KCNH4: variants seen among roughly 807,000 people sequenced by gnomAD.
KCNH4 encodes voltage-gated delayed rectifier potassium channel KCNH4.
In KCNH4, 33 loss-of-function variants were observed where a neutral mutation model predicts 90.7. The observed-to-expected ratio is 0.36, with a 90% CI of 0.28 to 0.49. KCNH4 has a LOEUF of 0.49. KCNH4 is among the 20% of genes least tolerant of loss of function. KCNH4 has a pLI of 0.98. For synonymous variants in KCNH4, 551 were observed against 581.7 expected, an observed-to-expected ratio of 0.95 and a Z score of 0.76; for missense variants, 1,044 against 1,387.1, an observed-to-expected ratio of 0.75 and a Z score of 3.93.
chr17:42,158,289 G>A (rs2079721923), intron 16 of KCNH4, among the ~76,000 whole-genome samples: 1 of 151,298 alleles, frequency 6.6e-6, no homozygotes, highest in South Asian at 2.1e-4. Flanking sequence ...CCAGCACTTT[G>A]GGAGGCCGAG....
Position 42,163,092 on chromosome 17 carries a change from C to T in KCNH4, c.2584+136G>A, listed in dbSNP as rs1171606356. 7.4e-6 allele frequency: 5 copies of T among 674,476 alleles called. No individual in the cohort carries two copies. Among genetic ancestry groups the T allele is most frequent in the South Asian group, 5.0e-5 (3 of 60,094 alleles). 41.8% of individuals were successfully genotyped at this position (674,476 alleles called of 1,614,324 possible). On this transcript the variant is annotated intron_variant, in intron 14 of 16. Coordinates refer to ENST00000264661, the MANE Select transcript of KCNH4 (RefSeq NM_012285.3). The surrounding 1 kb of genome is among the most constrained non-coding windows in gnomAD (Gnocchi z 5.4). ...CTCCCTGCTAGACTTACTCCAAGAG[C>T]GTGGGCCAGGTCTGTTTTATCTGTG...
chr17:42,162,418 A>G (rs903359985), intron 14 of KCNH4, 97 bp from the exon 15 acceptor site: 2 of 1,012,068 alleles, frequency 2.0e-6, no homozygotes, highest in Admixed American at 4.1e-5. Flanking sequence ...GGCGGAGAGC[A>G]GGGGGAGACA....
chr17:42,170,397 A>C, intron 7 of KCNH4, 96 bp from the exon 8 acceptor site: 1 of 1,049,804 alleles, frequency 9.5e-7, no homozygotes, highest in Non-Finnish European at 1.3e-6. Context: ...GCAAGTATTT[A>C]TACACAGGTT....
At chr17:42,161,547 GGTCCCCCAGGCCTGAAGGCCTCTCA>G (rs2079748876) in intron 15 of KCNH4, among the ~76,000 whole-genome samples, 1 of 152,256 alleles carries the variant, frequency 6.6e-6, no homozygotes, top group South Asian at 2.1e-4. Flanking sequence ...TCTGGATCCA[GGTCCCCCAGGCCTGAAGGCCTCTCA>G]GCCTCCCTGT....
Position 42,162,266 on chromosome 17 carries a change from A to G in KCNH4, c.2640T>C (p.Val880=). 1 of 1,613,872 alleles carries G rather than the reference A, an allele frequency of 6.2e-7. No homozygotes were observed. Among genetic ancestry groups the G allele is most frequent in the Non-Finnish European group, 8.5e-7 (1 of 1,179,896 alleles). ...ASEAEEVKEK[V]CRLNQEISRL... ...AACCCACCTCCTGGTTCAGCCGGCA[A>G]ACCTTTTCCTTCACCTCCTCAGCCT... The change falls in exon 15 of 17, where the codon GTT becomes GTC. Residue 880 remains valine (V), a synonymous_variant. Transcript: ENST00000264661.
At chr17:42,178,687 CT>C in intron 2 of KCNH4, 105 bp downstream of exon 2, 1 of 1,188,744 alleles carries the variant, frequency 8.4e-7, no homozygotes, top group Non-Finnish European at 1.2e-6. Context: ...TCACAGTCAG[CT>C]TTTGGCAGTG....
intron 6 of KCNH4, among the ~76,000 whole-genome samples, chr17:42,175,226 A>G (rs1168739843): frequency 6.6e-6 from 1 of 152,210 alleles, no homozygotes; most frequent in African/African-American, 2.4e-5. Flanking sequence ...CACAGTGGCC[A>G]TGCCCCACAC....
chr17:42,177,725 T>A (rs1340351616), intron 4 of KCNH4, among the ~76,000 whole-genome samples: 1 of 152,092 alleles, frequency 6.6e-6, no homozygotes, highest in Non-Finnish European at 1.5e-5. Flanking sequence ...TAGGAGGTGG[T>A]ACACAGGTCT....
intron 11 of KCNH4, among the ~76,000 whole-genome samples, chr17:42,164,373 A>G (rs772746089): frequency 3.9e-5 from 6 of 152,244 alleles, no homozygotes; most frequent in Non-Finnish European, 8.8e-5. Context: ...CCCAAGGTGT[A>G]ATGTACAGGC....
At position 42,160,132 on chromosome 17, in the gene KCNH4, G is replaced by A. The variant is rs763196073; in HGVS notation, c.2962C>T (p.Pro988Ser). Residue 988 changes from proline to serine, a missense_variant, in exon 16 of 17, where the codon CCT (proline) becomes TCT (serine). Pro to Ser is a moderately conservative substitution (Grantham distance 74). Around this residue, in one of 4 missense-constraint regions of KCNH4, gnomAD observed 441 missense variants for 512.3 expected, o/e 0.86. Transcript: ENST00000264661. The part of the protein sequence containing the change: ...ILPPYPSEPD[P>S]LGPSPVPEAS... ...TCTGGCACTGGAGAGGGTCCCAGAG[G>A]GTCAGGCTCTGAGGGGTAGGGGGGC... 6.2e-7 allele frequency: 1 copy of A among 1,607,902 alleles called. No homozygotes were observed. Among genetic ancestry groups the A allele is most frequent in the South Asian group, 1.1e-5 (1 of 90,046 alleles).
chr17:42,165,722 T>A (rs1360695788), intron 10 of KCNH4, 29 bp from the exon 11 acceptor site: 2 of 1,612,506 alleles, frequency 1.2e-6, no homozygotes, highest in Non-Finnish European at 1.7e-6. Flanking sequence ...GACAGTCAGC[T>A]GGGGCAGTGA....
intron 4 of KCNH4, 56 bp from the exon 5 acceptor site, chr17:42,176,353 G>C (rs2079861619): frequency 1.3e-6 from 2 of 1,536,002 alleles, no homozygotes; most frequent in Non-Finnish European, 1.8e-6. Context: ...AGCCAAGATG[G>C]GGGGTGGGAA....
rs770748876 is a variant in KCNH4, at chr17:42,163,693, C to G, written c.2390G>C (p.Gly797Ala). Residue 797 changes from glycine to alanine, a missense_variant, in exon 13 of 17, where the codon GGC becomes GCC. Around this residue, in one of 4 missense-constraint regions of KCNH4, gnomAD observed 441 missense variants for 512.3 expected, o/e 0.86. Coordinates refer to ENST00000264661, the MANE Select transcript of KCNH4 (RefSeq NM_012285.3). This position sits in a 1 kb window ranked among gnomAD's most constrained non-coding sequence, Gnocchi z 5.4. ...CCAGGCAGCAGAGCACCTGGGGGGG[C>G]CGTGAGGGGAGGCACTGTGGCCCTG... ...AGQGHSASPHGPPRCSAAWKP... is the reference protein window; with the variant it reads ...AGQGHSASPHAPPRCSAAWKP... The G allele has an allele frequency of 4.0e-6, 6 of 1,510,032 alleles. No homozygotes were observed. The Admixed American group carries it at 9.2e-5, about 23-fold the overall frequency. The allele number at this position is 1,510,032 out of a possible 1,614,324, so 93.5% of individuals were successfully genotyped here.
intron 2 of KCNH4, 129 bp downstream of exon 2, chr17:42,178,664 G>A: frequency 8.9e-7 from 1 of 1,121,198 alleles, no homozygotes; most frequent in Non-Finnish European, 1.3e-6. Flanking sequence ...AGAGAGGTCA[G>A]GGATACGCTC....
Position 42,164,139 on chromosome 17 carries a change from G to A in KCNH4, c.2115C>T (p.Arg705=), listed in dbSNP as rs1446209500. ...SGLSRFSRSP[R]LSQPRSESLG... Reference sequence around the variant, plus strand: ...AGGAAGTGGGTGTTACCTGGGAGAGGCGAGGGGATCGGGAAAAGCGGCTGA... The same window carrying A: ...AGGAAGTGGGTGTTACCTGGGAGAGACGAGGGGATCGGGAAAAGCGGCTGA... The change falls in exon 12 of 17, where the codon CGC becomes CGT. Residue 705 remains arginine, a synonymous_variant. Coordinates refer to ENST00000264661, the MANE Select transcript of KCNH4 (RefSeq NM_012285.3). The A allele has an allele frequency of 6.4e-7, 1 of 1,551,808 alleles. No individual in the cohort carries two copies. Among genetic ancestry groups the A allele is most frequent in the Non-Finnish European group, 8.7e-7 (1 of 1,147,026 alleles).
At chr17:42,160,515 T>G in intron 15 of KCNH4, 80 bp from the exon 16 acceptor site, 18 of 1,437,824 alleles carry the variant, frequency 1.3e-5, no homozygotes, top group Non-Finnish European at 1.6e-5. Flanking sequence ...TACAAAGCTC[T>G]TTCGCAGCCA....
intron 16 of KCNH4, among the ~76,000 whole-genome samples, chr17:42,159,484 C>G (rs1841989178): frequency 6.6e-6 from 1 of 152,146 alleles, no homozygotes; most frequent in African/African-American, 2.4e-5. Context: ...CCTAAGAAAT[C>G]ATGGGTTGCT....
chr17:42,163,017 T>A lies in KCNH4; in HGVS notation c.2584+211A>T, dbSNP rs1232679813. Among the ~76,000 whole-genome samples, 1 of 152,238 alleles carries A rather than the reference T, an allele frequency of 6.6e-6. No individual in the cohort carries two copies. The highest frequency in any genetic ancestry group is 1.5e-5 in the Non-Finnish European group (1 of 68,046). On this transcript the variant is annotated intron_variant, in intron 14 of 16. Transcript: ENST00000264661. The surrounding 1 kb of genome is among the most constrained non-coding windows in gnomAD (Gnocchi z 5.4). ...CTTCTACCACAGAGTCCTGTTCTTG[T>A]CTGTCATGGTATTTAGCATCTGGAA... is the stretch of plus-strand genomic sequence containing the variant.
chr17:42,164,680 T>A (rs1016914699), intron 11 of KCNH4, among the ~76,000 whole-genome samples: 1 of 151,640 alleles, frequency 6.6e-6, no homozygotes, highest in East Asian at 1.9e-4. Context: ...TGCATGCCTG[T>A]CATCCCAGCT....
Sources: gnomAD v4.1 joint callset for allele counts (sites outside exome capture counted in the v4.1 genomes callset) on GRCh38, gnomAD v4.1.1 for gene constraint, gnomAD v4.1.1 regional missense constraint, Gnocchi (gnomAD v3.1) non-coding constraint, MANE v1.5 for transcripts, NCBI Gene and HGNC (gene_info 2026-07-23, HGNC 2026-07-21) for gene names.